Variants in SIM1 observed in about 807,000 individuals in gnomAD.
SIM1 encodes SIM bHLH transcription factor 1, also known as single-minded homolog 1.
Under a neutral mutation model 78.2 loss-of-function variants are expected in SIM1, and 18 were observed. The ratio of observed to expected loss-of-function variants is 0.23; its 90% CI spans 0.16 to 0.34. SIM1 has a LOEUF of 0.34. SIM1 is among the 10% of genes least tolerant of loss of function. SIM1 has a pLI of 1.00. For missense variants in SIM1, 939 were observed against 975.1 expected (o/e 0.96, Z 0.49); for synonymous variants, 417 against 385.2 (o/e 1.08, Z -0.97).
At chr6:100,446,445 A>G (rs1772358616) in intron 9 of SIM1, among the ~76,000 whole-genome samples, 1 of 152,226 alleles carries the variant, frequency 6.6e-6, no homozygotes. Flanking sequence ...AGCACACACA[A>G]GAGTTCTTCA....
intron 10 of SIM1, among the ~76,000 whole-genome samples, chr6:100,412,623 G>GAAA (rs1562239733): frequency 1.5e-5 from 1 of 67,068 alleles, no homozygotes; most frequent in Non-Finnish European, 2.9e-5. Context: ...AAAGAAAGAA[G>GAAA]GAAAGAAAGA....
chr6:100,408,251 A>C (rs1057184657), intron 10 of SIM1, among the ~76,000 whole-genome samples: 1 of 152,010 alleles, frequency 6.6e-6, no homozygotes, highest in African/African-American at 2.4e-5. Context: ...ATAATAGTTG[A>C]TCATATATAT....
intron 3 of SIM1, among the ~76,000 whole-genome samples, chr6:100,450,662 A>ACTCT (rs1225845701): frequency 1.1e-5 from 1 of 93,204 alleles, no homozygotes; most frequent in Non-Finnish European, 2.3e-5. Context: ...ACACACACAC[A>ACTCT]CTGTCTCTCT....
Position 100,420,862 on chromosome 6 carries a change from A to G in SIM1, c.1095T>C (p.Thr365=). 6.2e-7 allele frequency: 1 copy of G among 1,614,014 alleles called. No individual in the cohort carries two copies. The highest frequency in any genetic ancestry group is 8.5e-7 in the Non-Finnish European group (1 of 1,179,984). Residue 365 remains threonine (T), a synonymous_variant, in exon 10 of 12, where the codon ACT becomes ACC. Coordinates refer to ENST00000369208, the MANE Select transcript of SIM1 (RefSeq NM_005068.3). ...SYTSSSTPTM[T]DNRKGAKSRL... ...GGGATTTGGCCCCCTTTCTGTTGTC[A>G]GTCATGGTGGGGGTGGAGCTGCTGG...
chr6:100,453,881 C>G, intron 2 of SIM1, 37 bp from the exon 3 acceptor site: 1 of 1,530,860 alleles, frequency 6.5e-7, no homozygotes, highest in Non-Finnish European at 8.9e-7. Flanking sequence ...GCCACTGAAC[C>G]CGGACCTGAC....
chr6:100,395,359 A>AAGAAAG (rs1460294564), intron 10 of SIM1, among the ~76,000 whole-genome samples: 1 of 152,178 alleles, frequency 6.6e-6, no homozygotes. Context: ...TTAATACAGG[A>AAGAAAG]AGAAAGGACA....
intron 10 of SIM1, among the ~76,000 whole-genome samples, chr6:100,413,509 T>C (rs1771317146): frequency 2.0e-5 from 3 of 152,218 alleles, no homozygotes. Flanking sequence ...TATTCAATAA[T>C]TCCTGCTGCC....
chr6:100,443,826 A>G (rs1772280941), intron 9 of SIM1, among the ~76,000 whole-genome samples: 2 of 152,172 alleles, frequency 1.3e-5, no homozygotes, highest in African/African-American at 2.4e-5. Flanking sequence ...AGGCACACAT[A>G]TAGGTAGAGA....
chr6:100,449,794 C>G (rs1030397545), intron 4 of SIM1, 95 bp from the exon 5 acceptor site: 2 of 1,005,274 alleles, frequency 2.0e-6, no homozygotes, highest in African/African-American at 3.2e-5. Flanking sequence ...ACCATGAGGA[C>G]AGCAGCCAGA....
intron 2 of SIM1, among the ~76,000 whole-genome samples, chr6:100,458,006 T>TTC (rs71028024): frequency 4.4e-4 from 40 of 90,286 alleles, no homozygotes; most frequent in Admixed American, 5.9e-4. Context: ...GTCTCTCTCT[T>TTC]TCTCTCTCTC....
chr6:100,410,605 T>C (rs1030825377), intron 10 of SIM1, among the ~76,000 whole-genome samples: 5 of 152,156 alleles, frequency 3.3e-5, no homozygotes, highest in South Asian at 2.1e-4. Context: ...CTAGCTAAAG[T>C]GGAGTGCTGA....
chr6:100,402,567 CTTTTTTTTTTTTTTTTTT>C (rs869130841), intron 10 of SIM1, among the ~76,000 whole-genome samples: 1 of 76,336 alleles, frequency 1.3e-5, no homozygotes, highest in Non-Finnish European at 2.6e-5. Flanking sequence ...TTTCTTTTCT[CTTTTTTTTTTTTTTTTTT>C]TTTTTTTTTT....
At chr6:100,434,696 T>C (rs921591582) in intron 9 of SIM1, among the ~76,000 whole-genome samples, 2 of 152,208 alleles carry the variant, frequency 1.3e-5, no homozygotes, top group African/African-American at 4.8e-5. Context: ...GTTGCTATTC[T>C]TGGAGAGATG....
chr6:100,435,518 C>T (rs1190471955), intron 9 of SIM1, among the ~76,000 whole-genome samples: 1 of 152,156 alleles, frequency 6.6e-6, no homozygotes, highest in Admixed American at 6.6e-5. Context: ...GTCTGTCTTA[C>T]TCCTCAGCCT....
At chr6:100,401,241 C>T (rs529045831) in intron 10 of SIM1, among the ~76,000 whole-genome samples, 1 of 151,762 alleles carries the variant, frequency 6.6e-6, no homozygotes, top group Admixed American at 6.6e-5. Context: ...TTCAAAAATG[C>T]CAATAATATG....
intron 8 of SIM1, among the ~76,000 whole-genome samples, 161 bp from the exon 9 acceptor site, chr6:100,447,576 A>C (rs1009194787): frequency 1.3e-5 from 2 of 152,198 alleles, no homozygotes; most frequent in Non-Finnish European, 2.9e-5. Flanking sequence ...AAAGGAACTG[A>C]TTGTCCCGTG....
intron 9 of SIM1, among the ~76,000 whole-genome samples, chr6:100,442,977 C>T (rs1772253674): frequency 6.6e-6 from 1 of 151,972 alleles, no homozygotes; most frequent in Non-Finnish European, 1.5e-5. Flanking sequence ...CAGTGGTTCT[C>T]ATAATGGTAA....
rs1361388078 is a variant in SIM1 at position 100,386,527 on chromosome 6, A to G, written c.*3834T>C. On this transcript the variant is annotated 3_prime_UTR_variant, in exon 12 of 12. Transcript: ENST00000369208. ...TCTTGTATTTCATTTTAAAATATATATGCATATTTTCCAAATGGTCTTGTA... is the reference window on the plus strand; with the variant it reads ...TCTTGTATTTCATTTTAAAATATATGTGCATATTTTCCAAATGGTCTTGTA... The G allele has an allele frequency of 6.6e-6, 1 of 152,028 alleles. No individual in the cohort carries two copies. Among genetic ancestry groups the G allele is most frequent in the East Asian group, 1.9e-4 (1 of 5,194 alleles). The allele number at this position is 152,028 out of a possible 1,614,324, so 9.4% of individuals were successfully genotyped here.
intron 11 of SIM1, 99 bp from the exon 12 acceptor site, chr6:100,391,190 T>C: frequency 7.9e-7 from 1 of 1,265,526 alleles, no homozygotes; most frequent in Non-Finnish European, 1.1e-6. Context: ...TATCTTTCAT[T>C]TTTAATATAT....
Sources: allele counts gnomAD v4.1 joint callset (sites outside exome capture counted in the v4.1 genomes callset), GRCh38; gene constraint gnomAD v4.1.1; transcripts MANE v1.5; gene names NCBI Gene and HGNC (gene_info 2026-07-23, HGNC 2026-07-21).